FOXP2: variants seen among roughly 807,000 people sequenced by gnomAD.
The protein encoded by FOXP2 is forkhead box protein P2.
FOXP2 carries 12 observed loss-of-function variants against 115.8 expected under a neutral mutation model. The observed-to-expected ratio is 0.10, with a 90% CI of 0.07 to 0.17. The LOEUF (loss-of-function observed/expected upper bound fraction) is 0.17, where lower values mean the gene tolerates loss of function less well. Among genes scored for constraint, FOXP2 ranks in the 10% least tolerant of loss-of-function variants. The pLI, the probability that FOXP2 is intolerant of heterozygous loss-of-function variation, is 1.00. For synonymous variants in FOXP2, 328 were observed against 297.7 expected, an observed-to-expected ratio of 1.10 and a Z score of -1.05; for missense variants, 629 against 843.5, an observed-to-expected ratio of 0.75 and a Z score of 3.15.
intron 1 of FOXP2, among the ~76,000 whole-genome samples, chr7:114,104,402 A>G (rs1791063076): frequency 1.3e-5 from 2 of 152,128 alleles, no homozygotes; most frequent in South Asian, 4.1e-4. Flanking sequence ...CTAATTATCT[A>G]TTATGGTCTT....
chr7:114,249,515 C>A (rs560998756), intron 1 of FOXP2, among the ~76,000 whole-genome samples: 1 of 152,110 alleles, frequency 6.6e-6, no homozygotes, highest in Non-Finnish European at 1.5e-5. Flanking sequence ...GCTTCCAGCT[C>A]CATCCATGCC....
At chr7:114,390,326 C>T (rs1355485643) in intron 2 of FOXP2, among the ~76,000 whole-genome samples, 1 of 151,950 alleles carries the variant, frequency 6.6e-6, no homozygotes, top group African/African-American at 2.4e-5. Context: ...ACTCATTCTA[C>T]AGAGTAAACT....
At chr7:114,138,342 A>G (rs545094321) in intron 1 of FOXP2, among the ~76,000 whole-genome samples, 1 of 151,892 alleles carries the variant, frequency 6.6e-6, no homozygotes, top group South Asian at 2.1e-4. Context: ...TCCTGTTCAT[A>G]GTATATATCC....
chr7:114,608,659 A>G (rs1219177951), intron 3 of FOXP2, among the ~76,000 whole-genome samples: 1 of 152,178 alleles, frequency 6.6e-6, no homozygotes, highest in Non-Finnish European at 1.5e-5. Context: ...GAGAAACACC[A>G]TTCTAGGGGA....
At chr7:114,279,141 T>C (rs1796266632) in intron 1 of FOXP2, among the ~76,000 whole-genome samples, 1 of 152,220 alleles carries the variant, frequency 6.6e-6, no homozygotes, top group African/African-American at 2.4e-5. Context: ...TAATTCAGAA[T>C]TTTTGAAACA....
chr7:114,673,021 A>G (rs1807578109), intron 16 of FOXP2, among the ~76,000 whole-genome samples: 1 of 152,216 alleles, frequency 6.6e-6, no homozygotes, highest in Admixed American at 6.5e-5. Flanking sequence ...AATTACAGAT[A>G]AACTGGAACA....
chr7:114,253,721 A>G (rs536800117), intron 1 of FOXP2, among the ~76,000 whole-genome samples: 12 of 152,312 alleles, frequency 7.9e-5, no homozygotes, highest in African/African-American at 2.9e-4. Context: ...AATACAGCAC[A>G]CTGATGGGTC....
At chr7:114,359,597 C>T (rs1326588585) in intron 2 of FOXP2, among the ~76,000 whole-genome samples, 2 of 152,198 alleles carry the variant, frequency 1.3e-5, no homozygotes, top group African/African-American at 2.4e-5. Flanking sequence ...GCAGAGCTGT[C>T]CAAGACCATG....
At chr7:114,352,661 C>T (rs1791521748) in intron 2 of FOXP2, among the ~76,000 whole-genome samples, 1 of 152,096 alleles carries the variant, frequency 6.6e-6, no homozygotes, top group African/African-American at 2.4e-5. Context: ...TTCACATAAT[C>T]TTTCCTATAT....
chr7:114,257,448 TTTC>T (rs1795644702), intron 1 of FOXP2, among the ~76,000 whole-genome samples: 1 of 119,536 alleles, frequency 8.4e-6, no homozygotes, highest in Non-Finnish European at 1.6e-5. Flanking sequence ...TTTTCTTTTC[TTTC>T]TTTTTTTTTT....
At chr7:114,677,438 G>C (rs985921888) in intron 16 of FOXP2, among the ~76,000 whole-genome samples, 1 of 152,134 alleles carries the variant, frequency 6.6e-6, no homozygotes, top group African/African-American at 2.4e-5. Context: ...TTTATTCATA[G>C]TACTTTTTTA....
chr7:114,179,967 T>C (rs1793415704), intron 1 of FOXP2, among the ~76,000 whole-genome samples: 1 of 151,976 alleles, frequency 6.6e-6, no homozygotes, highest in African/African-American at 2.4e-5. Context: ...AGTCTCCTTT[T>C]CTACAAGGTG....
intron 1 of FOXP2, among the ~76,000 whole-genome samples, chr7:114,219,868 GT>G (rs1467065118): frequency 6.6e-6 from 1 of 150,554 alleles, no homozygotes; most frequent in East Asian, 2.0e-4. Context: ...TGTTTGTTTT[GT>G]TTTTTCTAAT....
At chr7:114,189,661 A>G (rs1167696765) in intron 1 of FOXP2, among the ~76,000 whole-genome samples, 4 of 152,184 alleles carry the variant, frequency 2.6e-5, no homozygotes, top group Admixed American at 1.3e-4. Context: ...TATATAGTTA[A>G]TATATAGTTT....
chr7:114,291,569 T>A (rs1796590932), intron 2 of FOXP2, among the ~76,000 whole-genome samples: 1 of 151,808 alleles, frequency 6.6e-6, no homozygotes. Flanking sequence ...CCAGGCACAG[T>A]TTAGCTTAGG....
chr7:114,362,519 T>C (rs951338119), intron 2 of FOXP2, among the ~76,000 whole-genome samples: 1 of 151,968 alleles, frequency 6.6e-6, no homozygotes, highest in Non-Finnish European at 1.5e-5. Context: ...AGAACAAAAG[T>C]GGGTGATGCC....
chr7:114,594,597 A>G (rs898515248), intron 3 of FOXP2, among the ~76,000 whole-genome samples: 1 of 152,078 alleles, frequency 6.6e-6, no homozygotes, highest in Non-Finnish European at 1.5e-5. Flanking sequence ...AGTATGTGAG[A>G]ACCAATTCTA....
At chr7:114,499,984 G>A (rs141636924) in intron 2 of FOXP2, among the ~76,000 whole-genome samples, 1,673 of 152,184 alleles carry the variant, frequency 0.011, 27 homozygotes, top group African/African-American at 0.039. Flanking sequence ...GGGAGGCCGA[G>A]GTGGGTGGAT....
chr7:114,625,963 A>C (rs902251519), intron 3 of FOXP2, among the ~76,000 whole-genome samples: 1 of 151,702 alleles, frequency 6.6e-6, no homozygotes, highest in Admixed American at 6.6e-5. Context: ...TGTATGTGTT[A>C]ATTGGCTCAT....
Sources: gnomAD v4.1 joint callset for allele counts (sites outside exome capture counted in the v4.1 genomes callset) on GRCh38, gnomAD v4.1.1 for gene constraint, MANE v1.5 for transcripts, NCBI Gene and HGNC (gene_info 2026-07-23, HGNC 2026-07-21) for gene names.